The following PTDSS1 variants were observed in gnomAD, a reference collection of about 807,000 sequenced individuals.
PTDSS1 encodes the protein phosphatidylserine synthase 1, also known as PSS-1.
PTDSS1 carries 45 observed loss-of-function variants against 70.5 expected under a neutral mutation model. The ratio of observed to expected loss-of-function variants is 0.64; its 90% CI spans 0.50 to 0.82. The LOEUF (loss-of-function observed/expected upper bound fraction) is 0.82. PTDSS1 is among the 40% of genes least tolerant of loss of function. The probability of loss-of-function intolerance (pLI) is 0.00; values close to 1 mark genes in which losing one functional copy is unlikely to be tolerated. For synonymous variants in PTDSS1, 188 were observed against 203.8 expected (o/e 0.92, Z 0.66); for missense variants, 417 against 586.1 (o/e 0.71, Z 2.98).
intron 10 of PTDSS1, among the ~76,000 whole-genome samples, 186 bp downstream of exon 10, chr8:96,320,531 A>G (rs1343376336): frequency 6.6e-6 from 1 of 152,216 alleles, no homozygotes; most frequent in Admixed American, 6.5e-5. Context: ...GCTACACAGT[A>G]TCTGAAATAG....
Position 96,287,133 on chromosome 8 carries a change from A to C in PTDSS1, c.428A>C (p.Glu143Ala), listed in dbSNP as rs141629731. The part of the protein sequence containing the change: ...LDPNLRYATR[E>A]ADVMEYAVNC... ...CCAAATCTTCGATACGCCACAAGGG[A>C]AGCAGATGTCATGGTATGTACTTGT... The change falls in exon 4 of 13, where the codon GAA (glutamate) becomes GCA (alanine). Residue 143 changes from glutamate to alanine, a missense_variant. This residue lies in a region of PTDSS1 where 272 missense variants were observed against 429.5 expected (regional missense o/e 0.63). Coordinates refer to ENST00000517309, the MANE Select transcript of PTDSS1 (RefSeq NM_014754.3). The C allele has an allele frequency of 1.9e-6, 3 of 1,614,062 alleles. No individual in the cohort carries two copies. In the African/African-American group the frequency reaches 4.0e-5, roughly 22 times the overall value.
chr8:96,275,891 A>G (rs1009312837), intron 2 of PTDSS1, among the ~76,000 whole-genome samples: 2 of 151,980 alleles, frequency 1.3e-5, no homozygotes, highest in African/African-American at 4.8e-5. Flanking sequence ...TGTGCCCTCT[A>G]TTCCTACTTT....
At position 96,261,974 on chromosome 8, in the gene PTDSS1, C is replaced by T. The variant is rs1455470182; in HGVS notation, c.-67C>T. 6.6e-7 allele frequency: 1 copy of T among 1,513,738 alleles called. No individual in the cohort carries two copies. Among genetic ancestry groups the T allele is most frequent in the Non-Finnish European group, 8.9e-7 (1 of 1,119,546 alleles). The allele number at this position is 1,513,738 out of a possible 1,614,324, so 93.8% of individuals were successfully genotyped here. A position where few individuals can be genotyped will look rare whatever the true frequency, so the allele number is the denominator to read the frequency against. ...CGGCTATTAGCCTACTGTGGCTAGT[C>T]ACCCCCGGGGTCCCGGCCTTCTCGG... On this transcript the variant is annotated 5_prime_UTR_variant, in exon 1 of 13. Coordinates refer to ENST00000517309, the MANE Select transcript of PTDSS1 (RefSeq NM_014754.3).
intron 2 of PTDSS1, among the ~76,000 whole-genome samples, chr8:96,279,934 A>T (rs1345244686): frequency 6.6e-6 from 1 of 152,160 alleles, no homozygotes; most frequent in Non-Finnish European, 1.5e-5. Context: ...ACTCTAACTA[A>T]TAATAATCAA....
rs550554285 is a variant in PTDSS1 at position 96,292,883 on chromosome 8, C to A, written c.442-2215C>A. ...GCATGGCTGGGGGAGCTGATGAGAA[C>A]CTGTGCTGTCTGTAAGCAAATAATT... On this transcript the variant is annotated intron_variant, in intron 4 of 12. Transcript: ENST00000517309. 5.9e-5 allele frequency among the ~76,000 whole-genome samples: 9 copies of A among 152,314 alleles called. No homozygotes were observed. In the East Asian group the frequency reaches 1.7e-3, roughly 29 times the overall value.
At chr8:96,263,727 G>A (rs893999746) in intron 1 of PTDSS1, among the ~76,000 whole-genome samples, 13 of 152,164 alleles carry the variant, frequency 8.5e-5, no homozygotes, top group African/African-American at 2.9e-4. Context: ...AGCAGTTAAC[G>A]GATACTAAAT....
intron 8 of PTDSS1, 152 bp from the exon 9 acceptor site, chr8:96,309,405 C>A: frequency 1.8e-6 from 1 of 563,454 alleles, no homozygotes; most frequent in South Asian, 2.7e-5. Context: ...TTTTAACAGG[C>A]ACTGGCTTTC....
intron 4 of PTDSS1, among the ~76,000 whole-genome samples, chr8:96,289,757 T>C (rs1344727881): frequency 6.6e-6 from 1 of 152,218 alleles, no homozygotes; most frequent in East Asian, 1.9e-4. Context: ...CATGGTGACA[T>C]TGGTCAAATC....
chr8:96,335,195 G>A lies in PTDSS1; in HGVS notation c.*1629G>A, dbSNP rs1811577782. ...TCTGCCTGCTTCCCACAAAAGGATA[G>A]AAGAGAGGCAAAGTGCGTGTTTCAT... is the stretch of plus-strand genomic sequence containing the variant. On this transcript the variant is annotated 3_prime_UTR_variant, in exon 13 of 13. Transcript: ENST00000517309. 1 of 152,230 alleles carries A rather than the reference G, an allele frequency of 6.6e-6. No homozygotes were observed. The highest frequency in any genetic ancestry group is 6.5e-5 in the Admixed American group (1 of 15,290). 9.4% of individuals were successfully genotyped at this position (152,230 alleles called of 1,614,324 possible).
At chr8:96,316,475 G>T (rs142112843) in intron 9 of PTDSS1, among the ~76,000 whole-genome samples, 9 of 152,198 alleles carry the variant, frequency 5.9e-5, no homozygotes, top group Admixed American at 2.6e-4. Flanking sequence ...ACCAAAAACC[G>T]CATATGCTCA....
chr8:96,336,407 G>A lies in PTDSS1; in HGVS notation c.*2841G>A, dbSNP rs1043664068. 6 of 151,988 alleles carry A rather than the reference G, an allele frequency of 3.9e-5. No homozygotes were observed. Among genetic ancestry groups the A allele is most frequent in the African/African-American group, 1.5e-4 (6 of 41,226 alleles). 9.4% of individuals were successfully genotyped at this position (151,988 alleles called of 1,614,324 possible). A position where few individuals can be genotyped will look rare whatever the true frequency, so the allele number is the denominator to read the frequency against. On this transcript the variant is annotated 3_prime_UTR_variant, in exon 13 of 13. Transcript: ENST00000517309. ...TCCTGCACTTACAGAGGCCCTTGGG[G>A]TCATTGAGAAGTGGAGGAGGTTGGA...
At chr8:96,264,265 C>A (rs1312844572) in intron 1 of PTDSS1, among the ~76,000 whole-genome samples, 1 of 152,210 alleles carries the variant, frequency 6.6e-6, no homozygotes, top group African/African-American at 2.4e-5. Flanking sequence ...ATACATTAAT[C>A]TGTCGGGATT....
At chr8:96,263,936 A>G (rs891161868) in intron 1 of PTDSS1, among the ~76,000 whole-genome samples, 1 of 152,212 alleles carries the variant, frequency 6.6e-6, no homozygotes. Flanking sequence ...GGTTCTTGTT[A>G]TGTAAGTGTT....
intron 7 of PTDSS1, among the ~76,000 whole-genome samples, chr8:96,305,959 G>T (rs929889965): frequency 6.6e-6 from 1 of 152,160 alleles, no homozygotes; most frequent in African/African-American, 2.4e-5. Context: ...GGGGTTACAG[G>T]CATGAGCCAC....
chr8:96,294,864 T>G lies in PTDSS1; in HGVS notation c.442-234T>G, dbSNP rs184853772. 2.3e-3 allele frequency among the ~76,000 whole-genome samples: 346 copies of G among 152,352 alleles called. 1 individual carries two copies. Among genetic ancestry groups the G allele is most frequent in the African/African-American group, 8.0e-3 (333 of 41,600 alleles). ...TTGAGCCTTTGTAAAATTATTTTGC[T>G]TCTCATTTTAATGCAGCTTTTGCAA... On this transcript the variant is annotated intron_variant, in intron 4 of 12. Coordinates refer to ENST00000517309, the MANE Select transcript of PTDSS1 (RefSeq NM_014754.3).
chr8:96,305,833 G>A (rs1366760378), intron 7 of PTDSS1, among the ~76,000 whole-genome samples: 4 of 151,972 alleles, frequency 2.6e-5, no homozygotes, highest in Admixed American at 1.3e-4. Context: ...GATTACAGGC[G>A]CCCACCACCA....
chr8:96,282,399 G>C (rs1810751265), intron 2 of PTDSS1, among the ~76,000 whole-genome samples: 1 of 152,210 alleles, frequency 6.6e-6, no homozygotes. Context: ...AGCTGATTTT[G>C]AAAAGGAATA....
intron 10 of PTDSS1, among the ~76,000 whole-genome samples, chr8:96,326,882 A>G (rs1811445740): frequency 6.6e-6 from 1 of 152,152 alleles, no homozygotes; most frequent in African/African-American, 2.4e-5. Context: ...ATGCAGAGGA[A>G]GGGCTGGATC....
At chr8:96,311,538 A>ATG (rs1563578556) in intron 9 of PTDSS1, among the ~76,000 whole-genome samples, 3 of 151,982 alleles carry the variant, frequency 2.0e-5, no homozygotes, top group African/African-American at 2.4e-5. Context: ...TTTTCTGTGT[A>ATG]TGTGTGTGTG....
Sources: allele counts gnomAD v4.1 joint callset (sites outside exome capture counted in the v4.1 genomes callset), GRCh38; gene constraint gnomAD v4.1.1; regional missense constraint gnomAD v4.1.1; transcripts MANE v1.5; gene names NCBI Gene and HGNC (gene_info 2026-07-23, HGNC 2026-07-21).